The following PPARA variants were observed in gnomAD, a reference collection of about 807,000 sequenced individuals.
The protein encoded by PPARA is peroxisome proliferator-activated receptor alpha.
A neutral mutation model predicts 42.2 loss-of-function variants in PPARA; 22 were observed. The observed-to-expected ratio is 0.52, with a 90% CI of 0.37 to 0.74. The LOEUF (loss-of-function observed/expected upper bound fraction) is 0.74. Among genes scored for constraint, PPARA ranks in the 30% least tolerant of loss-of-function variants. The pLI, the probability that PPARA is intolerant of heterozygous loss-of-function variation, is 0.00. For missense variants in PPARA, 465 were observed against 608.2 expected (o/e 0.76, Z 2.48); for synonymous variants, 242 against 239.3 (o/e 1.01, Z -0.10).
At position 46,235,487 on chromosome 22, in the gene PPARA, T is replaced by A; in HGVS notation, c.*107T>A. The A allele has an allele frequency of 7.0e-7, 1 of 1,436,348 alleles. No homozygotes were observed. Among genetic ancestry groups the A allele is most frequent in the Non-Finnish European group, 9.5e-7 (1 of 1,048,494 alleles). 89.0% of individuals were successfully genotyped at this position (1,436,348 alleles called of 1,614,324 possible). The stretch of plus-strand genomic sequence containing the variant: ...TGCACAAATATCCACCACTTTAACC[T>A]TAGAGCTTGGACAGTCTGAGCTGTA... On this transcript the variant is annotated 3_prime_UTR_variant, in exon 9 of 9. Transcript: ENST00000407236. This position sits in a 1 kb window ranked among gnomAD's most constrained non-coding sequence, Gnocchi z 7.0.
chr22:46,171,696 T>G lies in PPARA; in HGVS notation c.-126-5057T>G, dbSNP rs1928065464. 1.3e-5 allele frequency among the ~76,000 whole-genome samples: 2 copies of G among 151,940 alleles called. No individual in the cohort carries two copies. Among genetic ancestry groups the G allele is most frequent in the South Asian group, 4.2e-4 (2 of 4,804 alleles). On this transcript the variant is annotated intron_variant, in intron 2 of 8. Coordinates refer to ENST00000407236, the MANE Select transcript of PPARA (RefSeq NM_005036.6). The surrounding 1 kb of genome is among the most constrained non-coding windows in gnomAD (Gnocchi z 5.0). ...GAGAGGAACAGCCAGGAAGTGTGACTCGAGCAGTGTCCTGGAGAGGAGGAG... is the reference window on the plus strand; with the variant it reads ...GAGAGGAACAGCCAGGAAGTGTGACGCGAGCAGTGTCCTGGAGAGGAGGAG...
intron 2 of PPARA, among the ~76,000 whole-genome samples, chr22:46,159,745 T>C (rs944229094): frequency 1.3e-5 from 2 of 152,192 alleles, no homozygotes; most frequent in African/African-American, 4.8e-5. Flanking sequence ...GAGAGGGCTA[T>C]CCTGGGAAGA....
intron 4 of PPARA, among the ~76,000 whole-genome samples, chr22:46,210,960 T>C (rs912380761): frequency 2.6e-5 from 4 of 152,180 alleles, no homozygotes; most frequent in Admixed American, 1.3e-4. Context: ...AAAACCACTT[T>C]GAGCTTCACC....
chr22:46,218,980 G>A (rs1934765502), intron 6 of PPARA, among the ~76,000 whole-genome samples: 1 of 151,924 alleles, frequency 6.6e-6, no homozygotes, highest in Non-Finnish European at 1.5e-5. Context: ...TGGCGAACAT[G>A]GCAAAACCCC....
At position 46,162,421 on chromosome 22, in the gene PPARA, C is replaced by A. The variant is rs1185568760; in HGVS notation, c.-127+10451C>A. ...GGCGTGCCGGAGACACACTCCCTTACCCTCATACCCCGCCGCACCCCTGTG... is the reference window on the plus strand; with the variant it reads ...GGCGTGCCGGAGACACACTCCCTTAACCTCATACCCCGCCGCACCCCTGTG... On this transcript the variant is annotated intron_variant, in intron 2 of 8. Coordinates refer to ENST00000407236, the MANE Select transcript of PPARA (RefSeq NM_005036.6). This position sits in a 1 kb window ranked among gnomAD's most constrained non-coding sequence, Gnocchi z 6.0. 6.6e-6 allele frequency among the ~76,000 whole-genome samples: 1 copy of A among 152,194 alleles called. No individual in the cohort carries two copies. Among genetic ancestry groups the A allele is most frequent in the African/African-American group, 2.4e-5 (1 of 41,448 alleles).
In PPARA at chr22:46,233,736, T is replaced by C. The variant is rs756569966; in HGVS notation, c.1160-1397T>C. On this transcript the variant is annotated intron_variant, in intron 8 of 8. Coordinates refer to ENST00000407236, the MANE Select transcript of PPARA (RefSeq NM_005036.6). This position sits in a 1 kb window ranked among gnomAD's most constrained non-coding sequence, Gnocchi z 7.3. ...TATAATCCTATATCAATCCTATGTA[T>C]ATAGAAAAATGTCCAGTGAGATATA... is the stretch of plus-strand genomic sequence containing the variant. Among the ~76,000 whole-genome samples, 9 of 152,264 alleles carry C rather than the reference T, an allele frequency of 5.9e-5. No homozygotes were observed. Among genetic ancestry groups the C allele is most frequent in the Middle Eastern group, 3.4e-3 (1 of 294 alleles).
intron 3 of PPARA, among the ~76,000 whole-genome samples, chr22:46,194,603 G>A (rs1460419189): frequency 2.4e-5 from 3 of 127,536 alleles, no homozygotes; most frequent in African/African-American, 6.0e-5. Context: ...ACAGAGTCTC[G>A]CTTTGTCACC....
chr22:46,232,368 C>T lies in PPARA; in HGVS notation c.1159+129C>T, dbSNP rs755643808. The T allele has an allele frequency of 1.9e-5, 16 of 857,258 alleles. No homozygotes were observed. Among genetic ancestry groups the T allele is most frequent in the African/African-American group, 1.2e-4 (7 of 60,150 alleles). The allele number at this position is 857,258 out of a possible 1,614,324, so 53.1% of individuals were successfully genotyped here. On this transcript the variant is annotated intron_variant, in intron 8 of 8. Transcript: ENST00000407236. The surrounding 1 kb of genome is among the most constrained non-coding windows in gnomAD (Gnocchi z 5.3). The stretch of plus-strand genomic sequence containing the variant: ...AGGGGACACTCACATGGTGGGAAGA[C>T]GTCTGACCCCCAGTCACTGCTGAGA...
intron 2 of PPARA, among the ~76,000 whole-genome samples, chr22:46,157,750 C>T (rs574697254): frequency 5.9e-5 from 9 of 152,254 alleles, no homozygotes; most frequent in African/African-American, 2.2e-4. Flanking sequence ...GGTCCTTCTC[C>T]TGCTCTGACT....
In PPARA at chr22:46,230,267, A is replaced by C. The variant is rs1215855339; in HGVS notation, c.712-1525A>C. 6.6e-6 allele frequency among the ~76,000 whole-genome samples: 1 copy of C among 152,138 alleles called. No homozygotes were observed. The highest frequency in any genetic ancestry group is 1.5e-5 in the Non-Finnish European group (1 of 68,024). ...ATGCCTGTAATCCCAGCTACTCAGA[A>C]GGCTGAGGCGGGAGAATCGCTTGAA... On this transcript the variant is annotated intron_variant, in intron 7 of 8. Coordinates refer to ENST00000407236, the MANE Select transcript of PPARA (RefSeq NM_005036.6). This position sits in a 1 kb window ranked among gnomAD's most constrained non-coding sequence, Gnocchi z 5.0.
In PPARA at chr22:46,219,417, G is replaced by A. The variant is rs757592233; in HGVS notation, c.509-395G>A. On this transcript the variant is annotated intron_variant, in intron 6 of 8. Transcript: ENST00000407236. This position sits in a 1 kb window ranked among gnomAD's most constrained non-coding sequence, Gnocchi z 4.8. ...GCTAATTGTGATGTGAATGTAAGTC[G>A]TTCATAAGAGTTGCATGTCTACCTT... is the stretch of plus-strand genomic sequence containing the variant. 5.3e-5 allele frequency among the ~76,000 whole-genome samples: 8 copies of A among 152,138 alleles called. No homozygotes were observed. The highest frequency in any genetic ancestry group is 1.2e-4 in the Non-Finnish European group (8 of 68,032).
chr22:46,166,736 G>A (rs2147162787), intron 2 of PPARA, among the ~76,000 whole-genome samples: 1 of 152,106 alleles, frequency 6.6e-6, no homozygotes, highest in East Asian at 1.9e-4. Context: ...AATTTTAAAA[G>A]ACCTAAATAA....
intron 4 of PPARA, among the ~76,000 whole-genome samples, chr22:46,205,408 C>T (rs1182671905): frequency 2.2e-4 from 33 of 147,750 alleles, no homozygotes; most frequent in Admixed American, 8.2e-4. Context: ...TTTGTAGAGA[C>T]GGGGTTTCGC....
rs1002325213 is a variant in PPARA at position 46,156,774 on chromosome 22, G to A, written c.-127+4804G>A. On this transcript the variant is annotated intron_variant, in intron 2 of 8. Transcript: ENST00000407236. This position sits in a 1 kb window ranked among gnomAD's most constrained non-coding sequence, Gnocchi z 5.2. ...CCGCCACCACGCCCAGCTAATTTTTGTATTTTTAGTAGAGATGGAGTTTCA... is the reference window on the plus strand; with the variant it reads ...CCGCCACCACGCCCAGCTAATTTTTATATTTTTAGTAGAGATGGAGTTTCA... 6.6e-6 allele frequency among the ~76,000 whole-genome samples: 1 copy of A among 152,120 alleles called. No homozygotes were observed. The highest frequency in any genetic ancestry group is 2.4e-5 in the African/African-American group (1 of 41,420).
At chr22:46,215,749 AAAG>A (rs1934424437) in intron 5 of PPARA, among the ~76,000 whole-genome samples, 1 of 151,926 alleles carries the variant, frequency 6.6e-6, no homozygotes, top group African/African-American at 2.4e-5. Context: ...TCTTAAAAAA[AAAG>A]AAAGAAAAAA....
rs1219852792 is a variant in PPARA at position 46,195,511 on chromosome 22, T to G, written c.-42-2831T>G. Among the ~76,000 whole-genome samples, 1 of 152,178 alleles carries G rather than the reference T, an allele frequency of 6.6e-6. No homozygotes were observed. Among genetic ancestry groups the G allele is most frequent in the Non-Finnish European group, 1.5e-5 (1 of 68,038 alleles). ...GCTATTTGATGATTTCCCTGTGAAC[T>G]TTGATGATTTATTGCCAGAATTCCA... On this transcript the variant is annotated intron_variant, in intron 3 of 8. Transcript: ENST00000407236. The surrounding 1 kb of genome is among the most constrained non-coding windows in gnomAD (Gnocchi z 4.6).
In PPARA at chr22:46,222,188, C is replaced by G. The variant is rs936839645; in HGVS notation, c.711+2174C>G. ...AAATTGCCCCTCATGGTTCGTCCCC[C>G]ACATCCCCGCCTGCCTGGCCTAAGT... is the stretch of plus-strand genomic sequence containing the variant. On this transcript the variant is annotated intron_variant, in intron 7 of 8. Coordinates refer to ENST00000407236, the MANE Select transcript of PPARA (RefSeq NM_005036.6). The surrounding 1 kb of genome is among the most constrained non-coding windows in gnomAD (Gnocchi z 5.9). Among the ~76,000 whole-genome samples the G allele has an allele frequency of 1.3e-5, 2 of 152,162 alleles. No individual in the cohort carries two copies. The highest frequency in any genetic ancestry group is 2.9e-5 in the Non-Finnish European group (2 of 68,032).
rs1457304377 is a variant in PPARA at position 46,240,246 on chromosome 22, AG to A, written c.*4871del. On this transcript the variant is annotated 3_prime_UTR_variant, in exon 9 of 9. Transcript: ENST00000407236. This position sits in a 1 kb window ranked among gnomAD's most constrained non-coding sequence, Gnocchi z 6.0. ...TTCCTGTGGTCTCCTCAGCTGTTTG[AG>A]GGGGTAACAGCAAATCAGCCTCCAT... 16 of 398,594 alleles carry A rather than the reference AG, an allele frequency of 4.0e-5. No individual in the cohort carries two copies. The highest frequency in any genetic ancestry group is 2.5e-4 in the African/African-American group (12 of 48,732). The allele number at this position is 398,594 out of a possible 1,614,324, so 24.7% of individuals were successfully genotyped here. A position where few individuals can be genotyped will look rare whatever the true frequency, so the allele number is the denominator to read the frequency against.
At position 46,236,666 on chromosome 22, in the gene PPARA, C is replaced by T. The variant is rs1253615093; in HGVS notation, c.*1286C>T. 1.3e-5 allele frequency: 2 copies of T among 152,618 alleles called. No individual in the cohort carries two copies. Among genetic ancestry groups the T allele is most frequent in the Non-Finnish European group, 2.9e-5 (2 of 68,036 alleles). 9.5% of individuals were successfully genotyped at this position (152,618 alleles called of 1,614,324 possible). On this transcript the variant is annotated 3_prime_UTR_variant, in exon 9 of 9. Coordinates refer to ENST00000407236, the MANE Select transcript of PPARA (RefSeq NM_005036.6). The surrounding 1 kb of genome is among the most constrained non-coding windows in gnomAD (Gnocchi z 5.2). ...GTTTTATTGTTTTAACTCTTGGTGA[C>T]AGTAGATGCTCTCTGGAGCGCAGAC...
Sources: gnomAD v4.1 joint callset for allele counts (sites outside exome capture counted in the v4.1 genomes callset) on GRCh38, gnomAD v4.1.1 for gene constraint, Gnocchi (gnomAD v3.1) non-coding constraint, MANE v1.5 for transcripts, NCBI Gene and HGNC (gene_info 2026-07-23, HGNC 2026-07-21) for gene names.